Variants in RAD51B observed in about 807,000 individuals in gnomAD.
RAD51B encodes the protein RAD51 paralog B.
A neutral mutation model predicts 42.2 loss-of-function variants in RAD51B; 38 were observed. The observed-to-expected ratio is 0.90, with a 90% CI of 0.70 to 1.18. The LOEUF (loss-of-function observed/expected upper bound fraction) is 1.18, where lower values mean the gene tolerates loss of function less well. Ranked by LOEUF, RAD51B falls within the 50% of genes most tolerant of loss-of-function variation. RAD51B has a pLI of 0.00. For synonymous variants in RAD51B, 154 were observed against 145.2 expected (o/e 1.06, Z -0.43); for missense variants, 373 against 400.7 (o/e 0.93, Z 0.59).
chr14:68,289,271 C>CT (rs1314351493), intron 7 of RAD51B, among the ~76,000 whole-genome samples: 1 of 152,140 alleles, frequency 6.6e-6, no homozygotes, highest in Non-Finnish European at 1.5e-5. Context: ...CTTTAAGTAT[C>CT]TTACATTGAT....
chr14:68,676,543 C>T (rs1033710328), intron 11 of RAD51B, among the ~76,000 whole-genome samples: 4 of 152,216 alleles, frequency 2.6e-5, no homozygotes, highest in Admixed American at 1.3e-4. Context: ...GTTAGGGCTA[C>T]GTGACATGCC....
chr14:68,612,731 ACC>A (rs1359802668), downstream of RAD51B, among the ~76,000 whole-genome samples: 2 of 152,138 alleles, frequency 1.3e-5, no homozygotes, highest in East Asian at 3.9e-4. Context: ...TGTACTTAAC[ACC>A]CCTAAACAGT....
At chr14:68,606,659 G>A (rs999201024) in intron 10 of RAD51B, among the ~76,000 whole-genome samples, 2 of 152,212 alleles carry the variant, frequency 1.3e-5, no homozygotes, top group African/African-American at 2.4e-5. Context: ...AAGAGTTAAA[G>A]AGGGTGGGAG....
intron 10 of RAD51B, among the ~76,000 whole-genome samples, chr14:68,476,037 A>G (rs1882564006): frequency 7.4e-6 from 1 of 134,884 alleles, no homozygotes; most frequent in Non-Finnish European, 1.6e-5. Flanking sequence ...GTCAAGAGAT[A>G]TAAGGCTGAA....
rs1555407995 is a variant in RAD51B at position 68,425,975 on chromosome 14, T to TCTTTCTTTCTTTCTTTCTTC, written c.957+14451_957+14452insTCTTTCTTTCTTTCTTCCTT. Among the ~76,000 whole-genome samples, 104 of 85,902 alleles carry TCTTTCTTTCTTTCTTTCTTC rather than the reference T, an allele frequency of 1.2e-3. 1 individual carries two copies. The highest frequency in any genetic ancestry group is 2.9e-3 in the African/African-American group (67 of 23,308). The allele number at this position is 85,902 out of a possible 152,430, so 56.4% of individuals were successfully genotyped here. ...TTCTTTCTTTCTTTCTTTCTTTCTTTCTTCCTTCCTTCCTTCCTTCCTTCC... is the reference window on the plus strand; with the variant it reads ...TTCTTTCTTTCTTTCTTTCTTTCTTTCTTTCTTTCTTTCTTTCTTCCTTCCTTCCTTCCTTCCTTCCTTCC... On this transcript the variant is annotated intron_variant, in intron 9 of 10. Transcript: ENST00000471583.
chr14:68,478,117 T>C (rs528928360), downstream of RAD51B: 88 of 1,036,926 alleles, frequency 8.5e-5, 1 homozygote, highest in African/African-American at 1.3e-3. Context: ...TGTAAAGGAA[T>C]TGGGGTCTCC....
Position 68,211,780 on chromosome 14 carries a change from C to T in RAD51B, c.757-80104C>T, listed in dbSNP as rs374809590. On this transcript the variant is annotated intron_variant, in intron 7 of 10. Coordinates refer to ENST00000471583, the MANE Select transcript of RAD51B (RefSeq NM_133510.4). ...CATCAGAAGCACCCAGAGGCAAACA[C>T]TGGTTGTGCCCTGTACCCACAGTAA... Among the ~76,000 whole-genome samples, 14 of 152,330 alleles carry T rather than the reference C, an allele frequency of 9.2e-5. No homozygotes were observed. In the East Asian group the frequency reaches 2.5e-3, roughly 27 times the overall value.
At chr14:68,682,977 G>A (rs11627380) in intron 11 of RAD51B, 1 of 990,966 alleles carries the variant, frequency 1.0e-6, no homozygotes, top group Non-Finnish European at 1.2e-6. Flanking sequence ...GAAGCCAGGA[G>A]AAAGCCAGCT....
intron 7 of RAD51B, among the ~76,000 whole-genome samples, chr14:68,229,428 C>T (rs528285191): frequency 8.5e-5 from 13 of 152,230 alleles, no homozygotes; most frequent in African/African-American, 2.6e-4. Context: ...TAGAATAGTA[C>T]GTGCTAAGAA....
intron 7 of RAD51B, among the ~76,000 whole-genome samples, chr14:67,979,690 A>G (rs941557170): frequency 2.0e-5 from 3 of 152,034 alleles, no homozygotes; most frequent in Non-Finnish European, 2.9e-5. Context: ...TTCTACTATT[A>G]TTATTTTCAT....
rs1594955200 is a variant in RAD51B at position 67,823,560 on chromosome 14, T to C, written c.17T>C (p.Leu6Pro). The C allele has an allele frequency of 6.2e-7, 1 of 1,613,874 alleles. No homozygotes were observed. The highest frequency in any genetic ancestry group is 8.5e-7 in the Non-Finnish European group (1 of 1,179,878). Residue 6 changes from leucine (L) to proline (P), a missense_variant, in exon 2 of 11, where the codon CTA (leucine) becomes CCA (proline). Leu to Pro is a moderately conservative substitution (Grantham distance 98, BLOSUM62 -3). Coordinates refer to ENST00000471583, the MANE Select transcript of RAD51B (RefSeq NM_133510.4). ...TCTGGAGGCATGGGTAGCAAGAAAC[T>C]AAAACGAGTGGGTTTATCACAAGAG... MGSKK[L>P]KRVGLSQELC...
chr14:68,375,750 T>C (rs777021248), intron 8 of RAD51B, among the ~76,000 whole-genome samples: 9 of 152,090 alleles, frequency 5.9e-5, no homozygotes, highest in Non-Finnish European at 1.3e-4. Flanking sequence ...CTTATTTAAT[T>C]CTAGTGAAAA....
At chr14:68,576,750 A>C (rs974483111) in intron 10 of RAD51B, among the ~76,000 whole-genome samples, 1 of 152,130 alleles carries the variant, frequency 6.6e-6, no homozygotes, top group Non-Finnish European at 1.5e-5. Context: ...GGACTCACGC[A>C]GGGGCATGAT....
rs1273449954 is a variant in RAD51B, at chr14:67,885,993, G to A, written c.572+5G>A. 1.0e-5 allele frequency: 16 copies of A among 1,571,170 alleles called. No homozygotes were observed. The highest frequency in any genetic ancestry group is 1.3e-5 in the Non-Finnish European group (15 of 1,151,600). ...CTGTGATGAAGTTCTACAAAGGTAT[G>A]CTGCTTTAGATTTTGATTTTTTAGT... On this transcript the variant is annotated splice_donor_5th_base_variant and intron_variant, in intron 6 of 10. Transcript: ENST00000471583.
At chr14:68,161,220 A>G (rs2078632304) in intron 7 of RAD51B, among the ~76,000 whole-genome samples, 1 of 151,910 alleles carries the variant, frequency 6.6e-6, no homozygotes, top group South Asian at 2.1e-4. Context: ...AAATCTAAGG[A>G]GTAGATCTGA....
intron 7 of RAD51B, among the ~76,000 whole-genome samples, chr14:67,939,710 T>G (rs1445913832): frequency 2.0e-5 from 3 of 151,958 alleles, no homozygotes; most frequent in Non-Finnish European, 1.5e-5. Context: ...CATGGTTGGG[T>G]GCCCTCTTCC....
At chr14:68,512,857 G>A (rs1016578086) in intron 10 of RAD51B, among the ~76,000 whole-genome samples, 2 of 152,058 alleles carry the variant, frequency 1.3e-5, no homozygotes, top group African/African-American at 4.8e-5. Context: ...ACACAGTGGG[G>A]TCAGGAAGAC....
intron 7 of RAD51B, among the ~76,000 whole-genome samples, chr14:68,049,843 A>C (rs988335830): frequency 6.6e-6 from 1 of 152,182 alleles, no homozygotes; most frequent in Non-Finnish European, 1.5e-5. Context: ...TGCTCCAAGA[A>C]GGCCTTGAAT....
chr14:68,667,759 TA>T (rs1409982007), intron 11 of RAD51B, among the ~76,000 whole-genome samples: 1 of 152,246 alleles, frequency 6.6e-6, no homozygotes, highest in Non-Finnish European at 1.5e-5. Context: ...TTAAAGTATG[TA>T]AGTCAGCTCT....
Sources: allele counts gnomAD v4.1 joint callset (sites outside exome capture counted in the v4.1 genomes callset), GRCh38; gene constraint gnomAD v4.1.1; transcripts MANE v1.5; gene names NCBI Gene and HGNC (gene_info 2026-07-23, HGNC 2026-07-21).